The following CNKSR2 variants were observed in gnomAD, a reference collection of about 807,000 sequenced individuals.
CNKSR2 encodes the protein CNK homolog protein 2.
Under a neutral mutation model 84.4 loss-of-function variants are expected in CNKSR2, and 14 were observed. The observed-to-expected ratio is 0.17, with a 90% CI of 0.11 to 0.26. CNKSR2 has a LOEUF of 0.26. Among genes scored for constraint, CNKSR2 ranks in the 10% least tolerant of loss-of-function variants. The probability of loss-of-function intolerance (pLI) is 1.00; values close to 1 mark genes in which losing one functional copy is unlikely to be tolerated. For missense variants in CNKSR2, 485 were observed against 771.2 expected, an observed-to-expected ratio of 0.63 and a Z score of 4.40; for synonymous variants, 275 against 277.9, an observed-to-expected ratio of 0.99 and a Z score of 0.10.
At chrX:21,577,834 T>C (rs1179408024) in intron 13 of CNKSR2, among the ~76,000 whole-genome samples, 4 of 111,056 alleles carry the variant, frequency 3.6e-5, no homozygotes, top group Non-Finnish European at 7.6e-5. Context: ...CTTGATGGTT[T>C]CAGCACTCTC....
At chrX:21,627,959 C>T (rs888045437) in intron 20 of CNKSR2, among the ~76,000 whole-genome samples, 9 of 111,414 alleles carry the variant, frequency 8.1e-5, no homozygotes, top group Non-Finnish European at 1.7e-4. Context: ...AAGTCTCATC[C>T]GAGACAAGGC....
intron 11 of CNKSR2, among the ~76,000 whole-genome samples, chrX:21,542,621 C>T (rs1336482253): frequency 9.0e-6 from 1 of 111,681 alleles, no homozygotes. Flanking sequence ...TTCCCATCAG[C>T]TTTTCCATCT....
At chrX:21,388,842 A>G (rs1342830179) in intron 1 of CNKSR2, among the ~76,000 whole-genome samples, 2 of 111,017 alleles carry the variant, frequency 1.8e-5, no homozygotes, top group Non-Finnish European at 3.8e-5. Flanking sequence ...AGAGTAGAGT[A>G]TGAAAAAGGG....
At chrX:21,462,684 A>G (rs913674850) in intron 4 of CNKSR2, among the ~76,000 whole-genome samples, 11 of 106,001 alleles carry the variant, frequency 1.0e-4, no homozygotes, top group Non-Finnish European at 1.7e-4. Flanking sequence ...GGCTTTTATT[A>G]TGTTGAGGTA....
At chrX:21,612,424 G>A (rs1329603689) in intron 20 of CNKSR2, among the ~76,000 whole-genome samples, 1 of 112,275 alleles carries the variant, frequency 8.9e-6, no homozygotes, top group African/African-American at 3.2e-5. Flanking sequence ...TTACTGTCCT[G>A]CTCCAGGCCA....
chrX:21,646,137 G>C (rs1404644677), intron 20 of CNKSR2, among the ~76,000 whole-genome samples: 8 of 111,257 alleles, frequency 7.2e-5, no homozygotes, highest in Non-Finnish European at 1.3e-4. Flanking sequence ...TGATGTGTAG[G>C]GGATGGGGGC....
chrX:21,443,711 CT>C, intron 4 of CNKSR2, among the ~76,000 whole-genome samples: 1 of 111,686 alleles, frequency 9.0e-6, no homozygotes, highest in Middle Eastern at 4.7e-3. Context: ...TAATAAATGT[CT>C]TTACTTAAGT....
chrX:21,537,802 T>C (rs1340631874), intron 11 of CNKSR2: 7 of 108,683 alleles, frequency 6.4e-5, no homozygotes, highest in African/African-American at 1.7e-4. Flanking sequence ...TTTTTTTTTT[T>C]CTTTAATCCA....
intron 1 of CNKSR2, among the ~76,000 whole-genome samples, chrX:21,383,379 A>G (rs1448278687): frequency 1.8e-5 from 2 of 112,823 alleles, no homozygotes; most frequent in Non-Finnish European, 3.8e-5. Context: ...AAGTGCAGTA[A>G]TAACTGTTTT....
At chrX:21,490,879 G>A (rs112491383) in intron 6 of CNKSR2, 27 of 138,239 alleles carry the variant, frequency 2.0e-4, no homozygotes, top group African/African-American at 7.9e-4. Context: ...TAGGTTTAAA[G>A]GAAGTTTAAG....
intron 13 of CNKSR2, among the ~76,000 whole-genome samples, chrX:21,586,442 G>A (rs898406931): frequency 1.8e-5 from 2 of 111,607 alleles, no homozygotes; most frequent in South Asian, 3.7e-4. Flanking sequence ...CCACTAAAAC[G>A]CCTGGTTAGT....
rs758326514 is a variant in CNKSR2 at position 21,409,833 on chromosome X, A to G, written c.65-16664A>G. Reference sequence around the variant, plus strand: ...AAATTAGGGATTTATTCAAATAAACATAATTAAAATTATTTTGGAATAGAC... The same window carrying G: ...AAATTAGGGATTTATTCAAATAAACGTAATTAAAATTATTTTGGAATAGAC... On this transcript the variant is annotated intron_variant, in intron 1 of 21. Transcript: ENST00000379510. 1.1e-4 allele frequency among the ~76,000 whole-genome samples: 12 copies of G among 111,767 alleles called. 1 individual carries two copies. In the South Asian group the frequency reaches 1.5e-3, roughly 14 times the overall value.
intron 13 of CNKSR2, among the ~76,000 whole-genome samples, chrX:21,576,962 A>T (rs750787179): frequency 3.6e-5 from 4 of 111,746 alleles, no homozygotes; most frequent in Non-Finnish European, 7.5e-5. Context: ...TTTCATTGTT[A>T]TGTTCTGCGC....
chrX:21,423,702 C>T (rs2147047142), intron 1 of CNKSR2: 1 of 111,558 alleles, frequency 9.0e-6, no homozygotes, highest in African/African-American at 3.3e-5. Context: ...AAACTATTTG[C>T]AATGTTTCCC....
At chrX:21,426,771 C>A (rs2090570685) in intron 2 of CNKSR2, 111 bp downstream of exon 2, 1 of 853,917 alleles carries the variant, frequency 1.2e-6, no homozygotes, top group Non-Finnish European at 1.6e-6. Context: ...AAGAAAAAAA[C>A]TCTGATTCTC....
At chrX:21,572,567 A>G (rs531926737) in intron 13 of CNKSR2, among the ~76,000 whole-genome samples, 3 of 111,627 alleles carry the variant, frequency 2.7e-5, no homozygotes, top group Non-Finnish European at 3.8e-5. Context: ...GAAACTTACA[A>G]TCACGGCAGA....
rs745987326 is a variant in CNKSR2, at chrX:21,497,795, T to C, written c.690T>C (p.Tyr230=). Residue 230 remains tyrosine (Y), a synonymous_variant, in exon 7 of 22, where the codon TAT becomes TAC. Transcript: ENST00000379510. ...TGCTGTCTTTTTCTTAGGGTATGTATATTAAATCTACATATGATGGCCTCC... is the reference window on the plus strand; with the variant it reads ...TGCTGTCTTTTTCTTAGGGTATGTACATTAAATCTACATATGATGGCCTCC... The part of the protein sequence containing the change: ...NIKPSEGLGM[Y]IKSTYDGLHV... 2.0e-5 allele frequency: 18 copies of C among 893,794 alleles called. No homozygotes were observed. The highest frequency in any genetic ancestry group is 3.0e-5 in the Non-Finnish European group (18 of 607,954). The allele number at this position is 893,794 out of a possible 1,213,427, so 73.7% of individuals were successfully genotyped here.
chrX:21,465,202 CT>C (rs1428050316), intron 4 of CNKSR2, among the ~76,000 whole-genome samples: 2 of 111,495 alleles, frequency 1.8e-5, no homozygotes, highest in Admixed American at 1.9e-4. Context: ...TCTTATCTAC[CT>C]TCTATTTGTA....
intron 9 of CNKSR2, among the ~76,000 whole-genome samples, chrX:21,525,776 G>C (rs2091829283): frequency 9.0e-6 from 1 of 111,402 alleles, no homozygotes; most frequent in African/African-American, 3.2e-5. Flanking sequence ...CAATAGAACT[G>C]TGAGTCTATA....
Sources: allele counts gnomAD v4.1 joint callset (sites outside exome capture counted in the v4.1 genomes callset), GRCh38; gene constraint gnomAD v4.1.1; transcripts MANE v1.5; gene names NCBI Gene and HGNC (gene_info 2026-07-23, HGNC 2026-07-21).